EPC1: variants seen among roughly 807,000 people sequenced by gnomAD.
The protein encoded by EPC1 is enhancer of polycomb homolog 1.
EPC1 carries 12 observed loss-of-function variants against 98.4 expected under a neutral mutation model. The ratio of observed to expected loss-of-function variants is 0.12; its 90% CI spans 0.08 to 0.20. EPC1 has a LOEUF of 0.20. EPC1 is among the 10% of genes least tolerant of loss of function. The pLI, the probability that EPC1 is intolerant of heterozygous loss-of-function variation, is 1.00. For synonymous variants in EPC1, 357 were observed against 363.9 expected (o/e 0.98, Z 0.21); for missense variants, 729 against 990.5 (o/e 0.74, Z 3.54).
At chr10:32,355,730 C>A (rs1411565033) in intron 1 of EPC1, among the ~76,000 whole-genome samples, 2 of 149,854 alleles carry the variant, frequency 1.3e-5, no homozygotes, top group Non-Finnish European at 3.0e-5. Flanking sequence ...CCTGCCTCAG[C>A]CTCCCGAGTA....
intron 6 of EPC1, 87 bp from the exon 7 acceptor site, chr10:32,287,361 T>C (rs1206455938): frequency 1.9e-5 from 26 of 1,345,872 alleles, no homozygotes; most frequent in Middle Eastern, 1.8e-4. Flanking sequence ...AAGAAGTTTA[T>C]TGCTATAATG....
At chr10:32,350,964 GCCTC>G (rs1235919338), upstream of EPC1, among the ~76,000 whole-genome samples, 1 of 152,088 alleles carries the variant, frequency 6.6e-6, no homozygotes, top group Non-Finnish European at 1.5e-5. Flanking sequence ...CCTAGAAACA[GCCTC>G]CCATTCATCC....
intron 1 of EPC1, among the ~76,000 whole-genome samples, chr10:32,320,466 C>G (rs1448010977): frequency 1.3e-5 from 2 of 152,194 alleles, no homozygotes; most frequent in Non-Finnish European, 2.9e-5. Context: ...GGGATATGCA[C>G]AGAGGCAGGG....
intron 1 of EPC1, among the ~76,000 whole-genome samples, chr10:32,325,940 A>G (rs1837249083): frequency 6.6e-6 from 1 of 152,190 alleles, no homozygotes; most frequent in African/African-American, 2.4e-5. Flanking sequence ...TGAGGTCTTT[A>G]TGTTAAAGTC....
intron 2 of EPC1, among the ~76,000 whole-genome samples, chr10:32,297,728 C>T (rs968756726): frequency 6.6e-6 from 1 of 151,996 alleles, no homozygotes; most frequent in African/African-American, 2.4e-5. Flanking sequence ...AAAAGTATAC[C>T]ATAACTGCCA....
chr10:32,289,075 C>T (rs560969617), intron 6 of EPC1, among the ~76,000 whole-genome samples: 1 of 151,490 alleles, frequency 6.6e-6, no homozygotes, highest in Non-Finnish European at 1.5e-5. Flanking sequence ...GGTGACAGAG[C>T]AAGACTCTGC....
intron 2 of EPC1, among the ~76,000 whole-genome samples, chr10:32,302,217 G>A (rs190335596): frequency 6.6e-6 from 1 of 151,610 alleles, no homozygotes; most frequent in East Asian, 1.9e-4. Context: ...CTCCAGCCTG[G>A]GTGACAGAGC....
chr10:32,282,025 C>A (rs918719551), intron 10 of EPC1: 1 of 151,810 alleles, frequency 6.6e-6, no homozygotes, highest in African/African-American at 2.4e-5. Flanking sequence ...GTGAAATGCA[C>A]TTATGATATG....
chr10:32,344,002 A>G (rs1838569651), intron 1 of EPC1, among the ~76,000 whole-genome samples: 1 of 152,112 alleles, frequency 6.6e-6, no homozygotes, highest in Admixed American at 6.5e-5. Context: ...TTTTTTTTCT[A>G]AGACAGTCAG....
intron 1 of EPC1, among the ~76,000 whole-genome samples, 187 bp from the exon 2 acceptor site, chr10:32,306,118 T>A (rs1322292580): frequency 1.3e-5 from 2 of 152,066 alleles, no homozygotes; most frequent in Non-Finnish European, 2.9e-5. Context: ...ACAAAAAAAA[T>A]TTTGTCAGAA....
At chr10:32,363,681 C>T (rs186059680) in intron 1 of EPC1, among the ~76,000 whole-genome samples, 208 of 152,146 alleles carry the variant, frequency 1.4e-3, no homozygotes, top group African/African-American at 4.6e-3. Flanking sequence ...TGTATATATA[C>T]GCTTCTTTAC....
chr10:32,294,032 C>T (rs1834999879), intron 2 of EPC1, among the ~76,000 whole-genome samples: 1 of 152,086 alleles, frequency 6.6e-6, no homozygotes, highest in South Asian at 2.1e-4. Context: ...GAACATAAAG[C>T]GATCATTAAA....
intron 1 of EPC1, among the ~76,000 whole-genome samples, chr10:32,354,728 G>T (rs1839221249): frequency 6.6e-6 from 1 of 151,900 alleles, no homozygotes; most frequent in Non-Finnish European, 1.5e-5. Context: ...AGAAGTGGGT[G>T]GCAGGCAAGC....
chr10:32,316,465 T>C (rs779702755), intron 1 of EPC1, among the ~76,000 whole-genome samples: 4 of 152,176 alleles, frequency 2.6e-5, no homozygotes, highest in African/African-American at 7.2e-5. Flanking sequence ...GGTAAAGCCA[T>C]ACAGCAGACT....
intron 1 of EPC1, among the ~76,000 whole-genome samples, chr10:32,354,069 G>A (rs1405688092): frequency 1.3e-5 from 2 of 152,078 alleles, no homozygotes; most frequent in African/African-American, 4.8e-5. Flanking sequence ...TGAGTAATTT[G>A]TGCATGGAGG....
intron 1 of EPC1, among the ~76,000 whole-genome samples, chr10:32,328,040 C>T (rs1454562897): frequency 1.0e-5 from 1 of 95,708 alleles, no homozygotes; most frequent in East Asian, 3.5e-4. Flanking sequence ...AGGAAGAGGG[C>T]CCCAAAATGG....
chr10:32,301,038 A>ATATC (rs145962262), intron 2 of EPC1, among the ~76,000 whole-genome samples: 6,603 of 142,886 alleles, frequency 0.046, 192 homozygotes, highest in Admixed American at 0.076. Flanking sequence ...AAGCACATTT[A>ATATC]TATCTATCTA....
chr10:32,293,462 T>C (rs1392521724), intron 3 of EPC1, 130 bp downstream of exon 3: 3 of 912,246 alleles, frequency 3.3e-6, no homozygotes, highest in Non-Finnish European at 4.8e-6. Context: ...AGAGATGAGA[T>C]TTGAATTCAT....
At chr10:32,291,575 TGTAA>T in intron 5 of EPC1, 1 of 265,432 alleles carries the variant, frequency 3.8e-6, no homozygotes, top group South Asian at 1.2e-4. Context: ...ATTTCATAAC[TGTAA>T]GTCTGTACCC....
Sources: allele counts gnomAD v4.1 joint callset (sites outside exome capture counted in the v4.1 genomes callset), GRCh38; gene constraint gnomAD v4.1.1; transcripts MANE v1.5; gene names NCBI Gene and HGNC (gene_info 2026-07-23, HGNC 2026-07-21).